Variants in KIF26B observed in about 807,000 individuals in gnomAD.
The protein encoded by KIF26B is kinesin-like protein KIF26B.
A neutral mutation model predicts 151.2 loss-of-function variants in KIF26B; 63 were observed. The observed-to-expected ratio is 0.42, with a 90% CI of 0.34 to 0.51. KIF26B has a LOEUF of 0.51. Ranked by LOEUF, KIF26B falls within the 20% of genes least tolerant of loss-of-function variation. The pLI is 0.07. For synonymous variants in KIF26B, 1,357 were observed against 1,262.1 expected (o/e 1.08, Z -1.59); for missense variants, 2,813 against 2,913.6 (o/e 0.97, Z 0.79).
At chr1:245,562,800 G>A (rs1289578169) in intron 5 of KIF26B, among the ~76,000 whole-genome samples, 9 of 152,130 alleles carry the variant, frequency 5.9e-5, no homozygotes, top group African/African-American at 1.7e-4. Flanking sequence ...CTCAAACTCC[G>A]GCAGGTCTCA....
Position 245,195,490 on chromosome 1 carries a change from C to T in KIF26B, c.465+38807C>T, listed in dbSNP as rs981296448. Among the ~76,000 whole-genome samples, 8 of 152,252 alleles carry T rather than the reference C, an allele frequency of 5.3e-5. No individual in the cohort carries two copies. The South Asian group carries it at 1.5e-3, about 28-fold the overall frequency. ...CACATTGCTTGAATTCCTTGGGAGA[C>T]GTGGGTCACATAAACAGGAGCCTGT... On this transcript the variant is annotated intron_variant, in intron 2 of 14. Coordinates refer to ENST00000407071, the MANE Select transcript of KIF26B (RefSeq NM_018012.4).
intron 4 of KIF26B, among the ~76,000 whole-genome samples, chr1:245,491,818 G>A (rs1660414615): frequency 6.6e-6 from 1 of 152,024 alleles, no homozygotes; most frequent in South Asian, 2.1e-4. Context: ...TGAGGTGGGA[G>A]AACCACTTGA....
chr1:245,464,349 A>G (rs566650825), intron 4 of KIF26B, among the ~76,000 whole-genome samples: 15 of 151,986 alleles, frequency 9.9e-5, no homozygotes, highest in African/African-American at 3.4e-4. Flanking sequence ...ACGTGTGTGC[A>G]TCTGTGGGTG....
At chr1:245,480,272 C>CT (rs1175903216) in intron 4 of KIF26B, among the ~76,000 whole-genome samples, 1 of 142,840 alleles carries the variant, frequency 7.0e-6, no homozygotes, top group African/African-American at 2.6e-5. Flanking sequence ...AAGACCCTGT[C>CT]TCGGGGGGGA....
In KIF26B at chr1:245,318,354, A is replaced by T. The variant is rs931196564; in HGVS notation, c.466-48480A>T. ...CACTTACCCTCAGCAAGACGAGGGA[A>T]GAAGAAGATTCTGGAAAGGGAGAAT... On this transcript the variant is annotated intron_variant, in intron 2 of 14. Transcript: ENST00000407071. The surrounding 1 kb of genome is among the most constrained non-coding windows in gnomAD (Gnocchi z 4.0). Among the ~76,000 whole-genome samples, 16 of 152,190 alleles carry T rather than the reference A, an allele frequency of 1.1e-4. No individual in the cohort carries two copies. The highest frequency in any genetic ancestry group is 3.9e-4 in the African/African-American group (16 of 41,452).
At chr1:245,642,055 G>T (rs1348902148) in intron 9 of KIF26B, among the ~76,000 whole-genome samples, 1 of 152,194 alleles carries the variant, frequency 6.6e-6, no homozygotes, top group Non-Finnish European at 1.5e-5. Context: ...GGCTTGCTGT[G>T]AGTCTCACAA....
rs536993318 is a variant in KIF26B at position 245,540,680 on chromosome 1, G to A, written c.1167-87G>A. 4.9e-4 allele frequency: 576 copies of A among 1,168,384 alleles called. No individual in the cohort carries two copies. Among genetic ancestry groups the A allele is most frequent in the Non-Finnish European group, 7.1e-4 (549 of 773,438 alleles). The allele number at this position is 1,168,384 out of a possible 1,614,324, so 72.4% of individuals were successfully genotyped here. A position where few individuals can be genotyped will look rare whatever the true frequency, so the allele number is the denominator to read the frequency against. On this transcript the variant is annotated intron_variant, in intron 4 of 14. Coordinates refer to ENST00000407071, the MANE Select transcript of KIF26B (RefSeq NM_018012.4). The surrounding 1 kb of genome is among the most constrained non-coding windows in gnomAD (Gnocchi z 4.6). Reference sequence around the variant, plus strand: ...GGAATGATTAGGCCTCAGAAAGAACGAGGGGTTGTTTAAGAGAAAACGAAG... The same window carrying A: ...GGAATGATTAGGCCTCAGAAAGAACAAGGGGTTGTTTAAGAGAAAACGAAG...
intron 3 of KIF26B, among the ~76,000 whole-genome samples, chr1:245,418,197 A>C (rs1093958): frequency 0.68 from 104,108 of 152,164 alleles, 36,969 homozygotes; most frequent in African/African-American, 0.85. Context: ...AGCCCGCACC[A>C]CACAGCAGCA....
chr1:245,374,813 G>T (rs1200933347), intron 3 of KIF26B, among the ~76,000 whole-genome samples: 1 of 152,144 alleles, frequency 6.6e-6, no homozygotes, highest in Non-Finnish European at 1.5e-5. Flanking sequence ...ATTTCTCAAG[G>T]CTAGAGTGTT....
intron 2 of KIF26B, among the ~76,000 whole-genome samples, chr1:245,365,523 CA>C (rs1672927823): frequency 6.6e-6 from 1 of 151,008 alleles, no homozygotes; most frequent in African/African-American, 2.5e-5. Context: ...TCCCCCCCAC[CA>C]GCCTACAGCT....
At chr1:245,589,534 G>C (rs2043264015) in intron 5 of KIF26B, among the ~76,000 whole-genome samples, 1 of 152,174 alleles carries the variant, frequency 6.6e-6, no homozygotes, top group Non-Finnish European at 1.5e-5. Context: ...ACATTTAATG[G>C]AACTTGGGAG....
chr1:245,645,922 G>A (rs143134130), intron 9 of KIF26B, among the ~76,000 whole-genome samples, 199 bp from the exon 10 acceptor site: 32 of 152,324 alleles, frequency 2.1e-4, no homozygotes, highest in East Asian at 1.2e-3. Context: ...TCAGTGGTGC[G>A]TGGTGGAAAG....
intron 2 of KIF26B, among the ~76,000 whole-genome samples, chr1:245,302,898 A>G (rs1338346165): frequency 1.4e-5 from 2 of 146,180 alleles, no homozygotes; most frequent in African/African-American, 2.5e-5. Flanking sequence ...CTGAGGCAGG[A>G]GAATCGCTTG....
At chr1:245,664,959 T>C (rs1375149213) in intron 10 of KIF26B, among the ~76,000 whole-genome samples, 3 of 152,226 alleles carry the variant, frequency 2.0e-5, no homozygotes, top group African/African-American at 4.8e-5. Context: ...TTTCTCTTGA[T>C]AGAATATCAC....
In KIF26B at chr1:245,704,023, C is replaced by T. The variant is rs938780947; in HGVS notation, c.*1417C>T. ...CAAATTCAGATGTTCCTCCCTATAA[C>T]AATTCCCTTAGGAATTATGATACCC... On this transcript the variant is annotated 3_prime_UTR_variant, in exon 15 of 15. Transcript: ENST00000407071. 6.6e-6 allele frequency: 1 copy of T among 151,538 alleles called. No individual in the cohort carries two copies. Among genetic ancestry groups the T allele is most frequent in the Non-Finnish European group, 1.5e-5 (1 of 68,014 alleles). The allele number at this position is 151,538 out of a possible 1,614,324, so 9.4% of individuals were successfully genotyped here.
At chr1:245,664,203 G>A (rs558387418) in intron 10 of KIF26B, among the ~76,000 whole-genome samples, 19 of 151,560 alleles carry the variant, frequency 1.3e-4, no homozygotes, top group Non-Finnish European at 2.7e-4. Flanking sequence ...ACCCTGTCTC[G>A]AGTAAAAATA....
chr1:245,387,691 C>CA (rs1156536979), intron 3 of KIF26B, among the ~76,000 whole-genome samples: 1 of 151,942 alleles, frequency 6.6e-6, no homozygotes, highest in Non-Finnish European at 1.5e-5. Flanking sequence ...GACCCTATCT[C>CA]AAAAAAACCC....
At chr1:245,414,115 GCTT>G (rs1463250321) in intron 3 of KIF26B, among the ~76,000 whole-genome samples, 1 of 152,238 alleles carries the variant, frequency 6.6e-6, no homozygotes, top group Non-Finnish European at 1.5e-5. Flanking sequence ...GAAGGGGCAG[GCTT>G]CCTCCGGGAG....
rs551332249 is a variant in KIF26B at position 245,396,962 on chromosome 1, C to CT, written c.1000-22602dup. On this transcript the variant is annotated intron_variant, in intron 3 of 14. Transcript: ENST00000407071. ...CATTTGACATGCTACATTTCTACTCCTTTTTTTTTTTTTTTGGAAAGGGTT... is the reference window on the plus strand; with the variant it reads ...CATTTGACATGCTACATTTCTACTCCTTTTTTTTTTTTTTTTGGAAAGGGTT... 8.5e-3 allele frequency among the ~76,000 whole-genome samples: 801 copies of CT among 94,182 alleles called. 4 individuals are homozygous for CT. The highest frequency in any genetic ancestry group is 0.037 in the African/African-American group (562 of 15,094). The allele number at this position is 94,182 out of a possible 152,430, so 61.8% of individuals were successfully genotyped here.
Sources: gnomAD v4.1 joint callset for allele counts (sites outside exome capture counted in the v4.1 genomes callset) on GRCh38, gnomAD v4.1.1 for gene constraint, Gnocchi (gnomAD v3.1) non-coding constraint, MANE v1.5 for transcripts, NCBI Gene and HGNC (gene_info 2026-07-23, HGNC 2026-07-21) for gene names.